The following TRDN variants were observed in gnomAD, a reference collection of about 807,000 sequenced individuals.
The protein encoded by TRDN is triadin.
TRDN carries 161 observed loss-of-function variants against 149.7 expected under a neutral mutation model. That is an observed-to-expected ratio of 1.08 (90% confidence interval 0.95 to 1.23). The LOEUF (loss-of-function observed/expected upper bound fraction) is 1.23. TRDN is among the 50% of genes most tolerant of loss of function. TRDN has a pLI of 0.00. For missense variants in TRDN, 896 were observed against 823.5 expected (o/e 1.09, Z -1.08); for synonymous variants, 294 against 250.5 (o/e 1.17, Z -1.64).
Position 123,498,600 on chromosome 6 carries a change from T to G in TRDN, c.794-1348A>C, listed in dbSNP as rs1245305668. The G allele has an allele frequency of 1.5e-5, 7 of 470,946 alleles. No individual in the cohort carries two copies. In the Admixed American group the frequency reaches 1.6e-4, roughly 11 times the overall value. The allele number at this position is 470,946 out of a possible 1,614,324, so 29.2% of individuals were successfully genotyped here. A position where few individuals can be genotyped will look rare whatever the true frequency, so the allele number is the denominator to read the frequency against. On this transcript the variant is annotated intron_variant, in intron 8 of 40. Coordinates refer to ENST00000334268, the MANE Select transcript of TRDN (RefSeq NM_006073.4). ...CCATGCATTGATTTGCCCTTTGATG[T>G]ACTGGCAGTAATAGCTGGAGTTTCT...
At chr6:123,498,690 CT>C in intron 8 of TRDN, 1 of 453,032 alleles carries the variant, frequency 2.2e-6, no homozygotes, top group Non-Finnish European at 4.6e-6. Flanking sequence ...GGTATTTTCT[CT>C]TTTCTAGACA....
intron 12 of TRDN, among the ~76,000 whole-genome samples, chr6:123,408,692 A>AAC (rs907148040): frequency 2.0e-5 from 3 of 151,762 alleles, no homozygotes; most frequent in African/African-American, 7.3e-5. Flanking sequence ...AAAAAAAAAA[A>AAC]GAATTGTTTG....
intron 7 of TRDN, among the ~76,000 whole-genome samples, chr6:123,504,598 A>G (rs926528894): frequency 2.0e-5 from 3 of 152,086 alleles, no homozygotes; most frequent in African/African-American, 7.2e-5. Flanking sequence ...CCTTAAACAT[A>G]TCATGGGAAA....
At chr6:123,427,619 C>G (rs1382514594) in intron 12 of TRDN, among the ~76,000 whole-genome samples, 1 of 152,000 alleles carries the variant, frequency 6.6e-6, no homozygotes, top group Non-Finnish European at 1.5e-5. Flanking sequence ...ACCATGGAGT[C>G]CTCATTCTTA....
In TRDN at chr6:123,259,515, C is replaced by T. The variant is rs12661887; in HGVS notation, c.1870+109G>A. 0.46 allele frequency: 337,780 copies of T among 727,172 alleles called. 84,115 individuals are homozygous for T. The highest frequency in any genetic ancestry group is 0.57 in the Admixed American group (18,612 of 32,920). The allele number at this position is 727,172 out of a possible 1,614,324, so 45.0% of individuals were successfully genotyped here. On this transcript the variant is annotated intron_variant, in intron 35 of 40. Transcript: ENST00000334268. ...ATGATATGTGCTATAAAATCAGTGTCTTCATTTTCATCAACTGTTTTTAAA... is the reference window on the plus strand; with the variant it reads ...ATGATATGTGCTATAAAATCAGTGTTTTCATTTTCATCAACTGTTTTTAAA...
chr6:123,426,285 G>T (rs1774116161), intron 12 of TRDN, among the ~76,000 whole-genome samples: 2 of 152,102 alleles, frequency 1.3e-5, no homozygotes, highest in Non-Finnish European at 2.9e-5. Context: ...AAAAGGTAAA[G>T]GAGTTTTAAA....
At chr6:123,256,770 C>T (rs922505008) in intron 35 of TRDN, among the ~76,000 whole-genome samples, 7 of 151,750 alleles carry the variant, frequency 4.6e-5, no homozygotes, top group African/African-American at 1.5e-4. Context: ...CTGTAGGTTG[C>T]CTGTTCACTC....
chr6:123,392,664 A>G (rs768364391), intron 13 of TRDN, among the ~76,000 whole-genome samples: 6 of 152,086 alleles, frequency 3.9e-5, no homozygotes, highest in Non-Finnish European at 7.4e-5. Flanking sequence ...AACTGGTATC[A>G]TAGCTTTTAA....
intron 1 of TRDN, among the ~76,000 whole-genome samples, chr6:123,625,966 T>C (rs1265874768): frequency 1.3e-5 from 2 of 152,180 alleles, no homozygotes; most frequent in African/African-American, 4.8e-5. Flanking sequence ...TCATGAAAGA[T>C]GTCTCTGTAG....
At chr6:123,300,911 G>T (rs1350727356) in intron 24 of TRDN, among the ~76,000 whole-genome samples, 1 of 135,108 alleles carries the variant, frequency 7.4e-6, no homozygotes, top group Non-Finnish European at 1.5e-5. Flanking sequence ...CCCTTTTAAC[G>T]AATTAAGAAA....
chr6:123,585,363 AG>A (rs1783410949), intron 1 of TRDN, among the ~76,000 whole-genome samples: 1 of 152,014 alleles, frequency 6.6e-6, no homozygotes, highest in Non-Finnish European at 1.5e-5. Flanking sequence ...GAGGTTTAGA[AG>A]CCTGGCCATC....
At chr6:123,568,188 T>C (rs1782386219) in intron 2 of TRDN, among the ~76,000 whole-genome samples, 1 of 152,152 alleles carries the variant, frequency 6.6e-6, no homozygotes, top group African/African-American at 2.4e-5. Flanking sequence ...CTGTGTCCCA[T>C]AACCTGGGAA....
chr6:123,278,945 G>T (rs1468851499), intron 25 of TRDN, 111 bp downstream of exon 25: 3 of 1,027,618 alleles, frequency 2.9e-6, no homozygotes, highest in Non-Finnish European at 1.4e-6. Context: ...TTGACTTTAA[G>T]CAAAATATTC....
At chr6:123,448,648 C>T (rs1336756779) in intron 10 of TRDN, among the ~76,000 whole-genome samples, 9 of 152,062 alleles carry the variant, frequency 5.9e-5, no homozygotes, top group Non-Finnish European at 1.3e-4. Context: ...CCTTCCCTAC[C>T]CACCCAGGTA....
At chr6:123,223,026 G>C (rs1775209730) in intron 39 of TRDN, among the ~76,000 whole-genome samples, 1 of 151,768 alleles carries the variant, frequency 6.6e-6, no homozygotes, top group South Asian at 2.1e-4. Context: ...AGAGAGAAGA[G>C]AACACTTGTA....
chr6:123,495,148 G>A (rs1778392651), intron 9 of TRDN, among the ~76,000 whole-genome samples: 1 of 151,994 alleles, frequency 6.6e-6, no homozygotes, highest in Admixed American at 6.6e-5. Flanking sequence ...CAACCTCCTG[G>A]GCCCAAGCAG....
intron 20 of TRDN, among the ~76,000 whole-genome samples, chr6:123,365,420 TTGAG>T (rs1410022633): frequency 6.6e-6 from 1 of 152,138 alleles, no homozygotes; most frequent in Non-Finnish European, 1.5e-5. Context: ...TTGTTTGGGA[TTGAG>T]TATGTGAATA....
intron 1 of TRDN, among the ~76,000 whole-genome samples, chr6:123,586,410 G>A (rs1184761191): frequency 1.3e-5 from 2 of 152,044 alleles, no homozygotes; most frequent in Non-Finnish European, 2.9e-5. Context: ...CTTGGGGTTG[G>A]GACTGAGGGG....
intron 19 of TRDN, among the ~76,000 whole-genome samples, chr6:123,370,202 C>T (rs569449838): frequency 4.6e-4 from 70 of 152,144 alleles, no homozygotes; most frequent in Non-Finnish European, 8.8e-4. Flanking sequence ...TAGCACTGCA[C>T]GCTTCTCTAT....
Sources: gnomAD v4.1 joint callset for allele counts (sites outside exome capture counted in the v4.1 genomes callset) on GRCh38, gnomAD v4.1.1 for gene constraint, MANE v1.5 for transcripts, NCBI Gene and HGNC (gene_info 2026-07-23, HGNC 2026-07-21) for gene names.